Variants in AKAP6 observed in about 807,000 individuals in gnomAD.
AKAP6 encodes A-kinase anchor protein 6.
A neutral mutation model predicts 188.5 loss-of-function variants in AKAP6; 58 were observed. The observed-to-expected ratio is 0.31, with a 90% confidence interval of 0.25 to 0.38. AKAP6 has a LOEUF of 0.38. Ranked by LOEUF, AKAP6 falls within the 10% of genes least tolerant of loss-of-function variation. AKAP6 has a pLI of 1.00. For missense variants in AKAP6, 2,710 were observed against 2,740.0 expected (o/e 0.99, Z 0.24); for synonymous variants, 989 against 998.6 (o/e 0.99, Z 0.18).
chr14:32,816,638 C>T (rs141737570), intron 12 of AKAP6, among the ~76,000 whole-genome samples: 1 of 152,226 alleles, frequency 6.6e-6, no homozygotes, highest in African/African-American at 2.4e-5. Flanking sequence ...GGCATTTCCC[C>T]TAGTTTAAAT....
chr14:32,641,662 T>C (rs1403034398), intron 7 of AKAP6, among the ~76,000 whole-genome samples: 2 of 152,100 alleles, frequency 1.3e-5, no homozygotes, highest in Non-Finnish European at 2.9e-5. Flanking sequence ...TTGAATTTCA[T>C]GTGGTCCCTA....
In AKAP6 at chr14:32,780,845, C is replaced by T. The variant is rs150520457; in HGVS notation, c.3588+6952C>T. ...GAATTAGTTTCAAAATAAGTAATAG[C>T]AATATATTTGGAAAATCCTCAAATA... On this transcript the variant is annotated intron_variant, in intron 12 of 13. Transcript: ENST00000280979. Among the ~76,000 whole-genome samples, 18 of 152,074 alleles carry T rather than the reference C, an allele frequency of 1.2e-4. No homozygotes were observed. The East Asian group carries it at 3.3e-3, about 28-fold the overall frequency.
At chr14:32,595,250 A>G (rs1885645531) in intron 5 of AKAP6, among the ~76,000 whole-genome samples, 1 of 151,976 alleles carries the variant, frequency 6.6e-6, no homozygotes, top group African/African-American at 2.4e-5. Context: ...ATATTCTTCC[A>G]TGACTCTTTC....
chr14:32,589,483 G>A (rs141993869), intron 5 of AKAP6, among the ~76,000 whole-genome samples: 30 of 152,314 alleles, frequency 2.0e-4, no homozygotes, highest in African/African-American at 6.5e-4. Context: ...AGGAGGCTCA[G>A]TTTGGACATA....
intron 7 of AKAP6, among the ~76,000 whole-genome samples, chr14:32,649,658 TAA>T (rs770643330): frequency 2.0e-5 from 3 of 152,210 alleles, no homozygotes; most frequent in Non-Finnish European, 4.4e-5. Context: ...TAATAAAATA[TAA>T]GTTTTAGTCT....
chr14:32,806,613 G>A (rs1238137797), intron 12 of AKAP6, among the ~76,000 whole-genome samples: 1 of 152,076 alleles, frequency 6.6e-6, no homozygotes, highest in Admixed American at 6.5e-5. Flanking sequence ...GGAGGCAGAG[G>A]TTGCAGTGAG....
At chr14:32,591,607 A>AAGAAGG in intron 5 of AKAP6, among the ~76,000 whole-genome samples, 1 of 151,634 alleles carries the variant, frequency 6.6e-6, no homozygotes, top group African/African-American at 2.4e-5. Flanking sequence ...TCTCCTCAGG[A>AAGAAGG]AGAAGGAGGA....
intron 7 of AKAP6, among the ~76,000 whole-genome samples, chr14:32,601,132 G>A (rs1885911376): frequency 6.6e-6 from 1 of 152,134 alleles, no homozygotes; most frequent in African/African-American, 2.4e-5. Context: ...TTGTTTTGTT[G>A]CAACTATAAA....
chr14:32,820,680 G>A (rs1425221540), intron 12 of AKAP6, among the ~76,000 whole-genome samples: 4 of 152,152 alleles, frequency 2.6e-5, no homozygotes, highest in Non-Finnish European at 5.9e-5. Flanking sequence ...AAAGAAAGGG[G>A]CTGAGAGAAC....
At chr14:32,483,776 G>GC (rs1879502743) in intron 2 of AKAP6, among the ~76,000 whole-genome samples, 1 of 151,882 alleles carries the variant, frequency 6.6e-6, no homozygotes, top group African/African-American at 2.4e-5. Flanking sequence ...GAGCCACTGT[G>GC]CCCCCCAGAT....
At chr14:32,655,921 T>G (rs1888434159) in intron 7 of AKAP6, among the ~76,000 whole-genome samples, 1 of 152,118 alleles carries the variant, frequency 6.6e-6, no homozygotes, top group Non-Finnish European at 1.5e-5. Context: ...TAATCAGAAA[T>G]CTAAAGAAAG....
In AKAP6 at chr14:32,464,153, T is replaced by A. The variant is rs1206395260; in HGVS notation, c.324+30336T>A. ...GGACCAGATGGATACACAGCCGAAT[T>A]CTACCAGCAGTACAAAGAGGAGCTG... is the stretch of plus-strand genomic sequence containing the variant. On this transcript the variant is annotated intron_variant, in intron 2 of 13. Transcript: ENST00000280979. Among the ~76,000 whole-genome samples the A allele has an allele frequency of 3.3e-5, 5 of 152,218 alleles. No homozygotes were observed. In the East Asian group the frequency reaches 9.6e-4, roughly 29 times the overall value.
chr14:32,371,574 T>C (rs1430354372), intron 1 of AKAP6, among the ~76,000 whole-genome samples: 1 of 152,216 alleles, frequency 6.6e-6, no homozygotes, highest in Non-Finnish European at 1.5e-5. Context: ...CACTCCAGCC[T>C]GGGTGACAGA....
Position 32,821,969 on chromosome 14 carries a change from G to A in AKAP6, c.4156G>A (p.Val1386Met). 3 of 1,613,964 alleles carry A rather than the reference G, an allele frequency of 1.9e-6. No individual in the cohort carries two copies. The highest frequency in any genetic ancestry group is 2.5e-6 in the Non-Finnish European group (3 of 1,179,952). Residue 1386 changes from valine (V) to methionine (M), a missense_variant, in exon 13 of 14, where the codon GTG becomes ATG. Physicochemically the swap from Val to Met is conservative, Grantham distance 21 (BLOSUM62 1). Coordinates refer to ENST00000280979, the MANE Select transcript of AKAP6 (RefSeq NM_004274.5). The part of the protein sequence containing the change: ...TNSEMCLLNA[V>M]DGSPSNLETE... ...CTCTGAAATGTGCTTGCTCAATGCA[G>A]TGGATGGGTCCCCAAGTAACCTTGA...
intron 1 of AKAP6, among the ~76,000 whole-genome samples, chr14:32,427,920 T>C (rs1295040300): frequency 6.6e-6 from 1 of 152,264 alleles, no homozygotes; most frequent in African/African-American, 2.4e-5. Context: ...AGAATTATGC[T>C]TTAATCACTT....
intron 9 of AKAP6, among the ~76,000 whole-genome samples, chr14:32,702,825 C>A (rs981517264): frequency 6.6e-6 from 1 of 152,172 alleles, no homozygotes; most frequent in Non-Finnish European, 1.5e-5. Flanking sequence ...CTGTCGTACT[C>A]TTTGCTGACA....
chr14:32,706,824 A>C (rs936808365), intron 9 of AKAP6, among the ~76,000 whole-genome samples: 1 of 152,064 alleles, frequency 6.6e-6, no homozygotes, highest in African/African-American at 2.4e-5. Flanking sequence ...CACTACACAC[A>C]CATGCAAGCT....
intron 1 of AKAP6, among the ~76,000 whole-genome samples, chr14:32,380,445 A>G (rs1888316811): frequency 6.6e-6 from 1 of 152,238 alleles, no homozygotes; most frequent in African/African-American, 2.4e-5. Flanking sequence ...CCTACCTCAG[A>G]TCAGGTACAA....
rs560137347 is a variant in AKAP6, at chr14:32,379,127, G to T, written c.-35+49719G>T. Among the ~76,000 whole-genome samples the T allele has an allele frequency of 6.6e-5, 10 of 152,106 alleles. No homozygotes were observed. In the East Asian group the frequency reaches 1.9e-3, roughly 29 times the overall value. The stretch of plus-strand genomic sequence containing the variant: ...GTAGAGACAGGGTTTCACCATGTTG[G>T]CCAGGCTGGTCTCAAACTCCTGACC... On this transcript the variant is annotated intron_variant, in intron 1 of 13. Coordinates refer to ENST00000280979, the MANE Select transcript of AKAP6 (RefSeq NM_004274.5).
Sources: gnomAD v4.1 joint callset for allele counts (sites outside exome capture counted in the v4.1 genomes callset) on GRCh38, gnomAD v4.1.1 for gene constraint, MANE v1.5 for transcripts, NCBI Gene and HGNC (gene_info 2026-07-23, HGNC 2026-07-21) for gene names.